The following AFTPH variants were observed in gnomAD, a reference collection of about 807,000 sequenced individuals.
AFTPH encodes the protein aftiphilin, also known as aftiphilin protein.
Under a neutral mutation model 72.5 loss-of-function variants are expected in AFTPH, and 7 were observed. The observed-to-expected ratio is 0.10, with a 90% CI of 0.05 to 0.18. The LOEUF is 0.18. Among genes scored for constraint, AFTPH ranks in the 10% least tolerant of loss-of-function variants. The pLI is 1.00. For synonymous variants in AFTPH, 337 were observed against 370.1 expected, an observed-to-expected ratio of 0.91 and a Z score of 1.03; for missense variants, 979 against 1,060.5, an observed-to-expected ratio of 0.92 and a Z score of 1.07.
chr2:64,553,225 C>G lies in AFTPH; in HGVS notation c.1751C>G (p.Ser584Cys), dbSNP rs530054916. 4 of 1,614,068 alleles carry G rather than the reference C, an allele frequency of 2.5e-6. No individual in the cohort carries two copies. The Admixed American group carries it at 6.7e-5, about 27-fold the overall frequency. ...GAGGATGAACAAAAAGATAGTTGTT[C>G]TTGGGCTGCTTTTGGAGACCAGCAG... The change falls in exon 2 of 9, where the codon TCT (serine) becomes TGT (cysteine). Residue 584 changes from serine (S) to cysteine (C), a missense_variant. By Grantham distance (112) the Ser-to-Cys change is moderately radical (BLOSUM62 -1). Transcript: ENST00000238856.
chr2:64,573,113 A>G (rs755324594), intron 6 of AFTPH, 45 bp downstream of exon 6: 2 of 1,474,716 alleles, frequency 1.4e-6, no homozygotes, highest in Non-Finnish European at 9.4e-7. Flanking sequence ...GCGTGTATAT[A>G]CACATATATC....
intron 2 of AFTPH, 104 bp from the exon 3 acceptor site, chr2:64,567,458 T>A: frequency 8.5e-7 from 1 of 1,171,212 alleles, no homozygotes; most frequent in South Asian, 1.7e-5. Context: ...TCTTCCTCTC[T>A]CACAGTAGTG....
chr2:64,534,223 C>G (rs1669770062), intron 1 of AFTPH, among the ~76,000 whole-genome samples: 1 of 152,100 alleles, frequency 6.6e-6, no homozygotes, highest in South Asian at 2.1e-4. Context: ...TACAGTGACA[C>G]TCAAAATCTG....
At chr2:64,539,908 A>T (rs189234988) in intron 1 of AFTPH, among the ~76,000 whole-genome samples, 1 of 152,174 alleles carries the variant, frequency 6.6e-6, no homozygotes, top group Non-Finnish European at 1.5e-5. Context: ...GAGAAGAGCT[A>T]GGGCGCACAG....
In AFTPH at chr2:64,553,421, T is replaced by C; in HGVS notation, c.1935+12T>C. On this transcript the variant is annotated intron_variant, in intron 2 of 8. Coordinates refer to ENST00000238856, the Ensembl canonical transcript of AFTPH. ...CCACTTCAGTTCAGGTATTTACTAA[T>C]TTTCTCTATTTTGTATGATGTATTA... 1 of 1,540,738 alleles carries C rather than the reference T, an allele frequency of 6.5e-7. No homozygotes were observed. The highest frequency in any genetic ancestry group is 8.7e-7 in the Non-Finnish European group (1 of 1,150,044).
chr2:64,591,968 C>A lies in AFTPH; in HGVS notation c.2663C>A (p.Ala888Asp), dbSNP rs767403518. 4 of 1,613,794 alleles carry A rather than the reference C, an allele frequency of 2.5e-6. No homozygotes were observed. In the Admixed American group the frequency reaches 5.0e-5, roughly 20 times the overall value. Reference sequence around the variant, plus strand: ...CTTCCTGACTTAACATTCATGCATGCCAAGGTGTTGATGTTCCCAGCCACG... The same window carrying A: ...CTTCCTGACTTAACATTCATGCATGACAAGGTGTTGATGTTCCCAGCCACG... The change falls in exon 9 of 9, where the codon GCC becomes GAC. Residue 888 changes from alanine (A) to aspartate (D), a missense_variant. Ala to Asp is a moderately radical substitution (Grantham distance 126). Transcript: ENST00000238856.
At chr2:64,572,897 A>C in intron 5 of AFTPH, 49 bp from the exon 6 acceptor site, 1 of 1,601,926 alleles carries the variant, frequency 6.2e-7, no homozygotes. Flanking sequence ...ACTTAAGTTT[A>C]TGGGCTGTGC....
Position 64,525,346 on chromosome 2 carries a change from A to G in AFTPH, c.-33+734A>G, listed in dbSNP as rs145945908. On this transcript the variant is annotated intron_variant, in intron 1 of 8. Coordinates refer to ENST00000238856, the Ensembl canonical transcript of AFTPH. Reference sequence around the variant, plus strand: ...TGGTAGGGTCCTTGCTCTATTAGGAAAGTAATGGGGATAGCAAGGTTTTTT... The same window carrying G: ...TGGTAGGGTCCTTGCTCTATTAGGAGAGTAATGGGGATAGCAAGGTTTTTT... 2.4e-3 allele frequency among the ~76,000 whole-genome samples: 362 copies of G among 152,246 alleles called. 2 individuals are homozygous for G. The highest frequency in any genetic ancestry group is 8.5e-3 in the African/African-American group (354 of 41,526).
intron 2 of AFTPH, among the ~76,000 whole-genome samples, chr2:64,555,450 A>G (rs1671294562): frequency 6.6e-6 from 1 of 151,944 alleles, no homozygotes; most frequent in African/African-American, 2.4e-5. Flanking sequence ...AATCCCAGCT[A>G]CTCAGGAGGC....
chr2:64,551,552 T>A, exon 2 of AFTPH: 1 of 1,614,136 alleles, frequency 6.2e-7, no homozygotes, highest in South Asian at 1.1e-5. Flanking sequence ...ATGATGATGA[T>A]GAATTTGGGG....
chr2:64,551,765 T>C (rs928035704), exon 2 of AFTPH: 7 of 1,613,710 alleles, frequency 4.3e-6, no homozygotes, highest in Middle Eastern at 1.7e-4. Context: ...CTGAACTTTC[T>C]GCTCCTGTGA....
At chr2:64,535,326 C>A (rs1051607642) in intron 1 of AFTPH, among the ~76,000 whole-genome samples, 3 of 152,096 alleles carry the variant, frequency 2.0e-5, no homozygotes, top group African/African-American at 2.4e-5. Flanking sequence ...TTGGGTCTAC[C>A]CATTCTATTA....
intron 1 of AFTPH, among the ~76,000 whole-genome samples, chr2:64,538,546 T>C (rs191906583): frequency 1.8e-4 from 28 of 152,366 alleles, no homozygotes; most frequent in African/African-American, 6.7e-4. Flanking sequence ...CCCTGAAAAA[T>C]ATCATGTGTG....
At chr2:64,570,190 A>AG (rs1328510474) in intron 5 of AFTPH, among the ~76,000 whole-genome samples, 2 of 152,186 alleles carry the variant, frequency 1.3e-5, no homozygotes, top group Non-Finnish European at 2.9e-5. Context: ...CAGATATGCC[A>AG]GGTAGTCCCG....
chr2:64,581,785 C>T (rs1180101531), intron 7 of AFTPH, among the ~76,000 whole-genome samples: 2 of 152,070 alleles, frequency 1.3e-5, no homozygotes, highest in African/African-American at 4.8e-5. Context: ...GAGTCTAGCA[C>T]TAAGTATATA....
intron 1 of AFTPH, among the ~76,000 whole-genome samples, chr2:64,547,003 C>T (rs911283700): frequency 2.0e-5 from 3 of 151,934 alleles, no homozygotes; most frequent in Non-Finnish European, 4.4e-5. Context: ...GAGCCGAGAT[C>T]GTGCCACTGC....
intron 8 of AFTPH, among the ~76,000 whole-genome samples, chr2:64,587,147 T>G (rs1673566583): frequency 6.6e-6 from 1 of 152,240 alleles, no homozygotes; most frequent in African/African-American, 2.4e-5. Context: ...TCTAGAGAAC[T>G]CTTCCAAGCC....
At chr2:64,565,005 A>C (rs555147810) in intron 2 of AFTPH, among the ~76,000 whole-genome samples, 63 of 151,808 alleles carry the variant, frequency 4.1e-4, no homozygotes, top group African/African-American at 1.5e-3. Context: ...TGCCCTGCTA[A>C]TTTTTGTATT....
intron 8 of AFTPH, among the ~76,000 whole-genome samples, chr2:64,586,166 C>T (rs1470545201): frequency 6.6e-6 from 1 of 152,158 alleles, no homozygotes; most frequent in Non-Finnish European, 1.5e-5. Context: ...TAGGCTAGTA[C>T]AATCCATTGC....
Sources: allele counts gnomAD v4.1 joint callset (sites outside exome capture counted in the v4.1 genomes callset), GRCh38; gene constraint gnomAD v4.1.1; transcripts MANE v1.5; gene names NCBI Gene and HGNC (gene_info 2026-07-23, HGNC 2026-07-21).